The following CIMIP2A variants were observed in gnomAD, a reference collection of about 807,000 sequenced individuals.
CIMIP2A encodes the protein ciliary microtubule inner protein 2A.
chr9:137,252,369 A>G, the CIMIP2A span: 1 of 1,504,058 alleles, frequency 6.6e-7, no homozygotes, highest in Non-Finnish European at 9.1e-7. Flanking sequence ...ACCGGGAGAC[A>G]GGTTCGAGTG....
At chr9:137,244,232 C>T in the CIMIP2A span, 11 of 1,613,860 alleles carry the variant, frequency 6.8e-6, no homozygotes, top group Non-Finnish European at 8.5e-6. Flanking sequence ...GGTTGCTGGG[C>T]CAGTGTGTTC....
the CIMIP2A span, chr9:137,252,203 C>T: frequency 2.6e-6 from 4 of 1,550,600 alleles, no homozygotes; most frequent in African/African-American, 1.4e-5. Flanking sequence ...GGGCCTTTGC[C>T]TCTGTGCTGA....
chr9:137,251,885 G>A, the CIMIP2A span: 1 of 1,608,038 alleles, frequency 6.2e-7, no homozygotes, highest in African/African-American at 1.3e-5. Flanking sequence ...CCCAGACCCT[G>A]AGGGAACTAT....
the CIMIP2A span, among the ~76,000 whole-genome samples, chr9:137,254,291 G>A: frequency 2.0e-5 from 3 of 152,244 alleles, no homozygotes; most frequent in Non-Finnish European, 1.5e-5. Context: ...GAACCAGCTG[G>A]GGGTTGGATC....
the CIMIP2A span, chr9:137,253,297 T>A: frequency 4.5e-6 from 7 of 1,567,502 alleles, no homozygotes; most frequent in Admixed American, 5.7e-5. Context: ...AACCATGGCC[T>A]CCCCCGGGGC....
chr9:137,244,750 G>C, the CIMIP2A span: 2 of 1,610,984 alleles, frequency 1.2e-6, no homozygotes, highest in Non-Finnish European at 1.7e-6. Flanking sequence ...GGGGTAGGCA[G>C]ATGTACGGGC....
the CIMIP2A span, among the ~76,000 whole-genome samples, chr9:137,249,869 G>A: frequency 6.6e-6 from 1 of 152,168 alleles, no homozygotes; most frequent in African/African-American, 2.4e-5. Flanking sequence ...TCTATGAGTG[G>A]CTCCAGCAAA....
chr9:137,243,783 G>A, the CIMIP2A span: 1 of 1,614,026 alleles, frequency 6.2e-7, no homozygotes, highest in Non-Finnish European at 8.5e-7. Context: ...TAGTTGTCCT[G>A]CATGGCTGCG....
At chr9:137,252,394 G>A in the CIMIP2A span, 1 of 1,579,972 alleles carries the variant, frequency 6.3e-7, no homozygotes, top group Non-Finnish European at 8.6e-7. Context: ...CTGTCACCTG[G>A]GTGGGGCTCC....
the CIMIP2A span, chr9:137,251,978 C>T: frequency 1.2e-6 from 2 of 1,605,200 alleles, no homozygotes; most frequent in East Asian, 4.5e-5. Flanking sequence ...AGCCCAGGCC[C>T]AGAGCTTGCT....
the CIMIP2A span, chr9:137,252,084 G>C: frequency 6.2e-7 from 1 of 1,612,586 alleles, no homozygotes; most frequent in Non-Finnish European, 8.5e-7. Context: ...GTCCGTACGA[G>C]AGTCCTCCCC....
the CIMIP2A span, chr9:137,244,428 C>T: frequency 8.5e-6 from 13 of 1,527,934 alleles, no homozygotes; most frequent in Non-Finnish European, 1.1e-5. Context: ...CATCCCCCTA[C>T]CCCCGACTCC....
At chr9:137,244,498 C>A in the CIMIP2A span, 24 of 1,499,250 alleles carry the variant, frequency 1.6e-5, no homozygotes, top group East Asian at 4.4e-4. Context: ...GCGGCACCTC[C>A]GGGGACAGGA....
the CIMIP2A span, chr9:137,251,138 G>C: frequency 2.9e-6 from 2 of 678,172 alleles, no homozygotes; most frequent in East Asian, 5.4e-5. Context: ...CTAGTTAGTG[G>C]GGGAGGGGCC....
the CIMIP2A span, chr9:137,243,792 C>T: frequency 2.8e-3 from 4,491 of 1,613,856 alleles, 41 homozygotes; most frequent in African/African-American, 0.024. Context: ...TGCATGGCTG[C>T]GGGGAGCCAG....
At chr9:137,253,087 T>TG in the CIMIP2A span, 12 of 1,544,666 alleles carry the variant, frequency 7.8e-6, no homozygotes, top group Non-Finnish European at 1.1e-5. Flanking sequence ...GCTACCTGGG[T>TG]GGGGCTCCCA....
the CIMIP2A span, chr9:137,245,367 T>C: frequency 6.2e-7 from 1 of 1,611,890 alleles, no homozygotes; most frequent in Admixed American, 1.7e-5. Context: ...CTTCCCCGTA[T>C]ACTGGGTGTC....
At chr9:137,253,204 A>G in the CIMIP2A span, 4 of 1,609,112 alleles carry the variant, frequency 2.5e-6, no homozygotes, top group Non-Finnish European at 2.5e-6. Context: ...GGGTGTACGC[A>G]GACCCAAGCG....
chr9:137,246,514 A>G, the CIMIP2A span, among the ~76,000 whole-genome samples: 1 of 152,244 alleles, frequency 6.6e-6, no homozygotes. Context: ...CTGTCATCCC[A>G]GCACTTTGGG....
Sources: allele counts gnomAD v4.1 joint callset (sites outside exome capture counted in the v4.1 genomes callset), GRCh38; gene constraint gnomAD v4.1.1; transcripts MANE v1.5; gene names NCBI Gene and HGNC (gene_info 2026-07-23, HGNC 2026-07-21).